Variants in EPHA3 observed in about 807,000 individuals in gnomAD.
EPHA3 encodes ephrin type-A receptor 3.
Under a neutral mutation model 107.1 loss-of-function variants are expected in EPHA3, and 42 were observed. The ratio of observed to expected loss-of-function variants is 0.39; its 90% CI spans 0.31 to 0.51. The LOEUF (loss-of-function observed/expected upper bound fraction) is 0.51, where lower values mean the gene tolerates loss of function less well. EPHA3 is among the 20% of genes least tolerant of loss of function. EPHA3 has a pLI of 0.78. For missense variants in EPHA3, 1,183 were observed against 1,211.2 expected, an observed-to-expected ratio of 0.98 and a Z score of 0.35; for synonymous variants, 461 against 424.8, an observed-to-expected ratio of 1.09 and a Z score of -1.05.
intron 3 of EPHA3, among the ~76,000 whole-genome samples, chr3:89,227,215 A>T (rs1237956895): frequency 6.6e-6 from 1 of 151,996 alleles, no homozygotes; most frequent in African/African-American, 2.4e-5. Flanking sequence ...CTTTTTCTGC[A>T]AATAGACCAA....
chr3:89,239,637 C>T (rs1704848917), intron 3 of EPHA3, among the ~76,000 whole-genome samples: 2 of 152,134 alleles, frequency 1.3e-5, no homozygotes, highest in Non-Finnish European at 1.5e-5. Context: ...CTCAGGATTA[C>T]AGATATAAAC....
chr3:89,352,925 GAAAA>G (rs796646385), intron 5 of EPHA3, among the ~76,000 whole-genome samples: 19 of 141,344 alleles, frequency 1.3e-4, no homozygotes, highest in African/African-American at 5.3e-4. Context: ...AAAAAAAAAG[GAAAA>G]AGAAAGAAAG....
At chr3:89,467,643 AT>A (rs1710312910) in intron 15 of EPHA3, among the ~76,000 whole-genome samples, 1 of 152,058 alleles carries the variant, frequency 6.6e-6, no homozygotes, top group Non-Finnish European at 1.5e-5. Flanking sequence ...TTATGCACCT[AT>A]TTACAGCTAA....
chr3:89,438,638 C>T (rs1709721395), intron 13 of EPHA3, among the ~76,000 whole-genome samples: 1 of 152,096 alleles, frequency 6.6e-6, no homozygotes. Context: ...ATATATGTCG[C>T]ATGTCATTTA....
In EPHA3 at chr3:89,217,424, A is replaced by AC. The variant is rs577867246; in HGVS notation, c.814+6904_814+6905insC. ...TAAAAAAACAAAAACAAAAACAAAAAAAAACTCTAAACTTTGGTCATATTC... is the reference window on the plus strand; with the variant it reads ...TAAAAAAACAAAAACAAAAACAAAAACAAAACTCTAAACTTTGGTCATATTC... On this transcript the variant is annotated intron_variant, in intron 3 of 16. Transcript: ENST00000336596. Among the ~76,000 whole-genome samples, 300 of 152,184 alleles carry AC rather than the reference A, an allele frequency of 2.0e-3. 1 individual carries two copies. Among genetic ancestry groups the AC allele is most frequent in the African/African-American group, 6.8e-3 (282 of 41,530 alleles).
At chr3:89,383,339 G>C (rs1164290896) in intron 5 of EPHA3, among the ~76,000 whole-genome samples, 1 of 152,160 alleles carries the variant, frequency 6.6e-6, no homozygotes, top group Non-Finnish European at 1.5e-5. Context: ...TTTCCGAATA[G>C]TTTTCCTACC....
chr3:89,452,673 C>T (rs1710017758), intron 15 of EPHA3, among the ~76,000 whole-genome samples: 1 of 151,972 alleles, frequency 6.6e-6, no homozygotes, highest in African/African-American at 2.4e-5. Context: ...GTTTTCTTTA[C>T]TGTGCAGAAA....
At chr3:89,450,744 T>TA (rs1709968743) in intron 15 of EPHA3, among the ~76,000 whole-genome samples, 1 of 151,974 alleles carries the variant, frequency 6.6e-6, no homozygotes, top group Admixed American at 6.6e-5. Context: ...CCGTTTCTAC[T>TA]AAAAATACAA....
In EPHA3 at chr3:89,357,527, C is replaced by T. The variant is rs1486007581; in HGVS notation, c.1306+15437C>T. On this transcript the variant is annotated intron_variant, in intron 5 of 16. Transcript: ENST00000336596. ...TTGAATATACTTTGTGGGCAAAGTTCGTCTATCTTTGTCCACCTAAGGAGG... is the reference window on the plus strand; with the variant it reads ...TTGAATATACTTTGTGGGCAAAGTTTGTCTATCTTTGTCCACCTAAGGAGG... Among the ~76,000 whole-genome samples the T allele has an allele frequency of 2.0e-5, 3 of 150,990 alleles. 1 individual carries two copies. The highest frequency in any genetic ancestry group is 3.0e-5 in the Non-Finnish European group (2 of 67,476).
intron 2 of EPHA3, among the ~76,000 whole-genome samples, chr3:89,138,683 C>T (rs1704365900): frequency 6.6e-6 from 1 of 151,606 alleles, no homozygotes; most frequent in Non-Finnish European, 1.5e-5. Flanking sequence ...GTAAAAGTTC[C>T]CATTATAGGT....
intron 3 of EPHA3, among the ~76,000 whole-genome samples, chr3:89,256,122 G>A (rs28834186): frequency 0.26 from 39,917 of 150,966 alleles, 5,493 homozygotes; most frequent in African/African-American, 0.32. Flanking sequence ...ACAGTGGAGC[G>A]TACCTGTAGT....
At chr3:89,208,966 G>T (rs970981248) in intron 2 of EPHA3, among the ~76,000 whole-genome samples, 1 of 152,112 alleles carries the variant, frequency 6.6e-6, no homozygotes, top group African/African-American at 2.4e-5. Flanking sequence ...GAAACAACTG[G>T]TCTAATAGTT....
chr3:89,412,561 A>C (rs559369244), intron 9 of EPHA3, among the ~76,000 whole-genome samples: 1 of 151,812 alleles, frequency 6.6e-6, no homozygotes, highest in Non-Finnish European at 1.5e-5. Flanking sequence ...ATGTATACAC[A>C]TACTAACAGC....
intron 1 of EPHA3, among the ~76,000 whole-genome samples, chr3:89,119,903 T>C (rs996898049): frequency 6.6e-6 from 1 of 152,196 alleles, no homozygotes; most frequent in African/African-American, 2.4e-5. Context: ...CTAGGAACTA[T>C]GTTTATTTCT....
At chr3:89,126,988 A>G (rs1704109623) in intron 1 of EPHA3, among the ~76,000 whole-genome samples, 1 of 151,872 alleles carries the variant, frequency 6.6e-6, no homozygotes, top group Non-Finnish European at 1.5e-5. Context: ...CCTTGTAAAC[A>G]AATGCAAACA....
Position 89,310,374 on chromosome 3 carries a change from C to A in EPHA3, c.815-30542C>A, listed in dbSNP as rs114839816. Among the ~76,000 whole-genome samples, 708 of 152,022 alleles carry A rather than the reference C, an allele frequency of 4.7e-3. 4 individuals are homozygous for A. Among genetic ancestry groups the A allele is most frequent in the African/African-American group, 0.016 (677 of 41,518 alleles). On this transcript the variant is annotated intron_variant, in intron 3 of 16. Coordinates refer to ENST00000336596, the MANE Select transcript of EPHA3 (RefSeq NM_005233.6). ...TAATGTCAGACTGCTTTGGAAAATT[C>A]ATTAATTTTTTTTAAAGTTAGTATT...
Position 89,369,567 on chromosome 3 carries a change from A to G in EPHA3, c.1307-26270A>G, listed in dbSNP as rs947137118. 3.3e-5 allele frequency among the ~76,000 whole-genome samples: 5 copies of G among 150,088 alleles called. 1 individual carries two copies. The highest frequency in any genetic ancestry group is 1.2e-4 in the African/African-American group (5 of 40,600). ...CCATAAAAACCCTAGAAGAAAACCTAGGCATTACCATTCAGGACATAGGCA... is the reference window on the plus strand; with the variant it reads ...CCATAAAAACCCTAGAAGAAAACCTGGGCATTACCATTCAGGACATAGGCA... On this transcript the variant is annotated intron_variant, in intron 5 of 16. Transcript: ENST00000336596.
rs139262347 is a variant in EPHA3 at position 89,127,255 on chromosome 3, C to G, written c.135C>G (p.Ile45Met). 52 of 1,612,270 alleles carry G rather than the reference C, an allele frequency of 3.2e-5. No homozygotes were observed. The African/African-American group carries it at 6.3e-4, about 19-fold the overall frequency. The change falls in exon 2 of 17, where the codon ATC (isoleucine) becomes ATG (methionine). Residue 45 changes from isoleucine (I) to methionine (M), a missense_variant. Ile to Met is a conservative substitution (Grantham distance 10, BLOSUM62 1). Transcript: ENST00000336596. The part of the protein sequence containing the change: ...SKTIQGELGW[I>M]SYPSHGWEEI... ...CAATTCAAGGGGAGCTGGGCTGGAT[C>G]TCTTATCCATCACATGGGGTGAGTT...
intron 2 of EPHA3, among the ~76,000 whole-genome samples, chr3:89,201,741 G>T (rs539325977): frequency 6.6e-6 from 1 of 152,244 alleles, no homozygotes; most frequent in East Asian, 1.9e-4. Context: ...TTAGAAATTT[G>T]GTGATGTTTT....
Sources: gnomAD v4.1 joint callset for allele counts (sites outside exome capture counted in the v4.1 genomes callset) on GRCh38, gnomAD v4.1.1 for gene constraint, MANE v1.5 for transcripts, NCBI Gene and HGNC (gene_info 2026-07-23, HGNC 2026-07-21) for gene names.